CCDC27: variants seen among roughly 807,000 people sequenced by gnomAD.
The protein encoded by CCDC27 is coiled-coil domain containing 27, also known as coiled-coil domain-containing protein 27.
A neutral mutation model predicts 80.3 loss-of-function variants in CCDC27; 80 were observed. The observed-to-expected ratio is 1.00, with a 90% CI of 0.83 to 1.20. CCDC27 has a LOEUF of 1.20. Among genes scored for constraint, CCDC27 ranks in the 50% most tolerant of loss-of-function variants. The probability of loss-of-function intolerance (pLI) is 0.00; values close to 1 mark genes in which losing one functional copy is unlikely to be tolerated. For missense variants in CCDC27, 815 were observed against 809.4 expected, an observed-to-expected ratio of 1.01 and a Z score of -0.08; for synonymous variants, 342 against 334.3, an observed-to-expected ratio of 1.02 and a Z score of -0.25.
At chr1:3,757,011 T>G (rs188104968) in intron 4 of CCDC27, 121 bp downstream of exon 4, 2 of 1,212,946 alleles carry the variant, frequency 1.6e-6, no homozygotes, top group Non-Finnish European at 2.3e-6. Flanking sequence ...ATCAAGCAGG[T>G]CCCCATGGCC....
rs1643134047 is a variant in CCDC27, at chr1:3,763,207, G to A, written c.1054G>A (p.Asp352Asn). The change falls in exon 7 of 12, where the codon GAC becomes AAC. Residue 352 changes from aspartate (D) to asparagine (N), a missense_variant. By Grantham distance (23) the Asp-to-Asn change is conservative. Transcript: ENST00000294600. The surrounding 1 kb of genome is among the most constrained non-coding windows in gnomAD (Gnocchi z 7.5). ...GGAAGGGGAGCCCGATGGGGTGGAG[G>A]ACACGGGTGCCTGGGGAGGTGTGAG... Reference protein sequence around the residue: ...GLEGEPDGVEDTGAWGGVSQM... With the variant: ...GLEGEPDGVENTGAWGGVSQM... The A allele has an allele frequency of 3.9e-6, 6 of 1,534,738 alleles. No individual in the cohort carries two copies. The highest frequency in any genetic ancestry group is 5.3e-6 in the Non-Finnish European group (6 of 1,137,636).
chr1:3,763,721 TACA>T lies in CCDC27; in HGVS notation c.1345_1347del (p.Gln449del), dbSNP rs748242146. Reference sequence around the variant, plus strand: ...CTGTGCCCAGGAGTGATTGCGTCTTTACAACAACAAGTGGATTTCCAAGAAACC... The same window carrying T: ...CTGTGCCCAGGAGTGATTGCGTCTTTACAACAAGTGGATTTCCAAGAAACC... On this transcript the variant is annotated inframe_deletion, in exon 8 of 12. Coordinates refer to ENST00000294600, the MANE Select transcript of CCDC27 (RefSeq NM_152492.3). This position sits in a 1 kb window ranked among gnomAD's most constrained non-coding sequence, Gnocchi z 7.5. 1.4e-4 allele frequency: 229 copies of T among 1,613,920 alleles called. No individual in the cohort carries two copies. Among genetic ancestry groups the T allele is most frequent in the East Asian group, 2.9e-4 (13 of 44,884 alleles).
In CCDC27 at chr1:3,768,986, G is replaced by A. The variant is rs758420044; in HGVS notation, c.1744-797G>A. On this transcript the variant is annotated intron_variant, in intron 10 of 11. Coordinates refer to ENST00000294600, the MANE Select transcript of CCDC27 (RefSeq NM_152492.3). The surrounding 1 kb of genome is among the most constrained non-coding windows in gnomAD (Gnocchi z 5.6). Reference sequence around the variant, plus strand: ...TGCTGTCACTTAAACCTGTCCGAGCGGCAGTGTGGACATGCTTCCACTCGG... The same window carrying A: ...TGCTGTCACTTAAACCTGTCCGAGCAGCAGTGTGGACATGCTTCCACTCGG... Among the ~76,000 whole-genome samples, 34 of 152,302 alleles carry A rather than the reference G, an allele frequency of 2.2e-4. No individual in the cohort carries two copies. The highest frequency in any genetic ancestry group is 3.4e-3 in the Middle Eastern group (1 of 294).
At chr1:3,754,580 T>A (rs1235287357) in intron 2 of CCDC27, among the ~76,000 whole-genome samples, 3 of 152,116 alleles carry the variant, frequency 2.0e-5, no homozygotes, top group Non-Finnish European at 4.4e-5. Flanking sequence ...AAGAACCCCA[T>A]AAAGCCAGAT....
At chr1:3,753,848 G>C (rs1181439405) in intron 1 of CCDC27, among the ~76,000 whole-genome samples, 1 of 152,068 alleles carries the variant, frequency 6.6e-6, no homozygotes, top group Non-Finnish European at 1.5e-5. Flanking sequence ...GCAGAAGCAG[G>C]GCCCCCGTCT....
chr1:3,761,558 T>C lies in CCDC27; in HGVS notation c.861+128T>C. On this transcript the variant is annotated intron_variant, in intron 5 of 11. Transcript: ENST00000294600. The surrounding 1 kb of genome is among the most constrained non-coding windows in gnomAD (Gnocchi z 5.0). ...CCCCTGGATCCTATCAGGTCCTCAC[T>C]GGAACGTGGACCGGTTCTCAGGGTT... is the stretch of plus-strand genomic sequence containing the variant. 9.2e-7 allele frequency: 1 copy of C among 1,082,510 alleles called. No individual in the cohort carries two copies. Among genetic ancestry groups the C allele is most frequent in the Non-Finnish European group, 1.3e-6 (1 of 766,786 alleles). The allele number at this position is 1,082,510 out of a possible 1,614,324, so 67.1% of individuals were successfully genotyped here.
intron 8 of CCDC27, among the ~76,000 whole-genome samples, chr1:3,764,120 C>G (rs753243607): frequency 6.6e-6 from 1 of 152,200 alleles, no homozygotes; most frequent in African/African-American, 2.4e-5. Context: ...CTCTTGGCCA[C>G]TCCTCAAGCA....
At chr1:3,753,257 G>A (rs1642867598) in intron 1 of CCDC27, among the ~76,000 whole-genome samples, 1 of 152,092 alleles carries the variant, frequency 6.6e-6, no homozygotes, top group Admixed American at 6.5e-5. Flanking sequence ...CCCGGCTCCT[G>A]GCAGCTTCCT....
In CCDC27 at chr1:3,760,576, A is replaced by C. The variant is rs1054124389; in HGVS notation, c.712-705A>C. On this transcript the variant is annotated intron_variant, in intron 4 of 11. Coordinates refer to ENST00000294600, the MANE Select transcript of CCDC27 (RefSeq NM_152492.3). The surrounding 1 kb of genome is among the most constrained non-coding windows in gnomAD (Gnocchi z 4.3). Reference sequence around the variant, plus strand: ...TTGATGTGTCCGGATGTTCATTATCAGTTTAAAATGTTTCTAGCTTTCCTT... The same window carrying C: ...TTGATGTGTCCGGATGTTCATTATCCGTTTAAAATGTTTCTAGCTTTCCTT... Among the ~76,000 whole-genome samples, 3 of 152,210 alleles carry C rather than the reference A, an allele frequency of 2.0e-5. No homozygotes were observed. The highest frequency in any genetic ancestry group is 2.9e-5 in the Non-Finnish European group (2 of 68,040).
At position 3,769,954 on chromosome 1, in the gene CCDC27, G is replaced by A. The variant is rs1643321233; in HGVS notation, c.1848+67G>A. 1 of 1,146,446 alleles carries A rather than the reference G, an allele frequency of 8.7e-7. No homozygotes were observed. The highest frequency in any genetic ancestry group is 1.7e-5 in the Admixed American group (1 of 58,980). 71.0% of individuals were successfully genotyped at this position (1,146,446 alleles called of 1,614,324 possible). On this transcript the variant is annotated intron_variant, in intron 11 of 11. Coordinates refer to ENST00000294600, the MANE Select transcript of CCDC27 (RefSeq NM_152492.3). This position sits in a 1 kb window ranked among gnomAD's most constrained non-coding sequence, Gnocchi z 4.6. ...CCCCAGGCCAGAGCTGTGGTAGGGGGTTGTGGGGGGCCTAGATTCCAGGGA... is the reference window on the plus strand; with the variant it reads ...CCCCAGGCCAGAGCTGTGGTAGGGGATTGTGGGGGGCCTAGATTCCAGGGA...
chr1:3,767,287 T>C lies in CCDC27; in HGVS notation c.1585T>C (p.Leu529=), dbSNP rs1171709347. Residue 529 remains leucine (L), a synonymous_variant, in exon 10 of 12, where the codon TTG becomes CTG. Coordinates refer to ENST00000294600, the MANE Select transcript of CCDC27 (RefSeq NM_152492.3). ...CAAGCGGGACTGTGTCATCTCAGAGTTGGACACCAAGGTCAGCCAGCTGCA... is the reference window on the plus strand; with the variant it reads ...CAAGCGGGACTGTGTCATCTCAGAGCTGGACACCAAGGTCAGCCAGCTGCA... ...LTKRDCVISE[L]DTKVSQLQEQ... is the part of the protein sequence containing the mutation. 1.2e-6 allele frequency: 2 copies of C among 1,613,908 alleles called. No individual in the cohort carries two copies. The highest frequency in any genetic ancestry group is 1.7e-6 in the Non-Finnish European group (2 of 1,179,978).
intron 1 of CCDC27, among the ~76,000 whole-genome samples, chr1:3,753,808 G>T (rs1335797170): frequency 6.6e-6 from 1 of 152,062 alleles, no homozygotes; most frequent in African/African-American, 2.4e-5. Flanking sequence ...GGGTCGGGGG[G>T]CCTGTCTGTG....
rs975335801 is a variant in CCDC27, at chr1:3,768,946, GGCCCATGACATTCCT to G, written c.1744-834_1744-820del. Among the ~76,000 whole-genome samples the G allele has an allele frequency of 1.3e-5, 2 of 152,172 alleles. No individual in the cohort carries two copies. The highest frequency in any genetic ancestry group is 1.3e-4 in the Admixed American group (2 of 15,252). On this transcript the variant is annotated intron_variant, in intron 10 of 11. Coordinates refer to ENST00000294600, the MANE Select transcript of CCDC27 (RefSeq NM_152492.3). This position sits in a 1 kb window ranked among gnomAD's most constrained non-coding sequence, Gnocchi z 5.6. ...GATTCCACTCCTCACACAGGCCAGG[GGCCCATGACATTCCT>G]GCTGTCACTTAAACCTGTCCGAGCG... is the stretch of plus-strand genomic sequence containing the variant.
chr1:3,762,275 T>C (rs1036517932), intron 5 of CCDC27, among the ~76,000 whole-genome samples: 1 of 152,044 alleles, frequency 6.6e-6, no homozygotes. Flanking sequence ...CCACTCTCTG[T>C]CCTCCCCAGG....
rs990358119 is a variant in CCDC27 at position 3,769,092 on chromosome 1, G to A, written c.1744-691G>A. On this transcript the variant is annotated intron_variant, in intron 10 of 11. Transcript: ENST00000294600. The surrounding 1 kb of genome is among the most constrained non-coding windows in gnomAD (Gnocchi z 4.6). ...GGTTTCTGGACGAGGAACTCGTGCT[G>A]AGCGTGCCGCATAACTCAAGGGGTT... 6.6e-6 allele frequency among the ~76,000 whole-genome samples: 1 copy of A among 152,200 alleles called. No individual in the cohort carries two copies. Among genetic ancestry groups the A allele is most frequent in the Non-Finnish European group, 1.5e-5 (1 of 68,042 alleles).
At position 3,757,968 on chromosome 1, in the gene CCDC27, A is replaced by G. The variant is rs187856695; in HGVS notation, c.711+1078A>G. On this transcript the variant is annotated intron_variant, in intron 4 of 11. Transcript: ENST00000294600. ...TGGGGTTTCCCCATGTTGCCCAGGC[A>G]GGTCTCGAACTCCTGGGCTCAAGTG... Among the ~76,000 whole-genome samples, 133 of 151,392 alleles carry G rather than the reference A, an allele frequency of 8.8e-4. 2 individuals are homozygous for G. In the East Asian group the frequency reaches 0.018, roughly 21 times the overall value.
At chr1:3,762,557 G>C (rs1190450164) in intron 5 of CCDC27, 63 bp from the exon 6 acceptor site, 1 of 1,307,816 alleles carries the variant, frequency 7.6e-7, no homozygotes, top group Non-Finnish European at 1.1e-6. Flanking sequence ...GACAGGCAGT[G>C]GTCTGTCCCT....
intron 3 of CCDC27, 34 bp downstream of exon 3, chr1:3,755,601 G>A (rs1280483260): frequency 1.9e-6 from 3 of 1,545,726 alleles, no homozygotes; most frequent in Non-Finnish European, 2.7e-6. Context: ...GCCTGCACCT[G>A]CTGGGCCCCT....
At chr1:3,752,939 C>T in intron 1 of CCDC27, 140 bp downstream of exon 1, 1 of 1,002,372 alleles carries the variant, frequency 1.0e-6, no homozygotes, top group Non-Finnish European at 1.5e-6. Context: ...GGATTCCAGG[C>T]AGGCAACGAA....
Sources: gnomAD v4.1 joint callset for allele counts (sites outside exome capture counted in the v4.1 genomes callset) on GRCh38, gnomAD v4.1.1 for gene constraint, Gnocchi (gnomAD v3.1) non-coding constraint, MANE v1.5 for transcripts, NCBI Gene and HGNC (gene_info 2026-07-23, HGNC 2026-07-21) for gene names.